GRIN3A: variants seen among roughly 807,000 people sequenced by gnomAD.
GRIN3A encodes the protein glutamate receptor ionotropic, NMDA 3A.
Under a neutral mutation model 92.4 loss-of-function variants are expected in GRIN3A, and 47 were observed. That is an observed-to-expected ratio of 0.51 (90% CI 0.40 to 0.65). GRIN3A has a LOEUF of 0.65. Among genes scored for constraint, GRIN3A ranks in the 30% least tolerant of loss-of-function variants. The pLI, the probability that GRIN3A is intolerant of heterozygous loss-of-function variation, is 0.00. For synonymous variants in GRIN3A, 527 were observed against 540.6 expected (o/e 0.97, Z 0.35); for missense variants, 1,324 against 1,393.1 (o/e 0.95, Z 0.79).
intron 3 of GRIN3A, among the ~76,000 whole-genome samples, chr9:101,638,068 T>C (rs1016279227): frequency 9.9e-5 from 15 of 152,230 alleles, no homozygotes; most frequent in African/African-American, 3.6e-4. Flanking sequence ...TTTTCTTTTC[T>C]AAGGAATAAT....
intron 3 of GRIN3A, among the ~76,000 whole-genome samples, chr9:101,663,063 AATGTC>A (rs5899453): frequency 0.071 from 10,789 of 151,730 alleles, 500 homozygotes; most frequent in East Asian, 0.22. Context: ...CTGGCTTTCC[AATGTC>A]ATAGTTGATG....
At chr9:101,721,862 G>A (rs1267742461) in intron 1 of GRIN3A, among the ~76,000 whole-genome samples, 2 of 152,158 alleles carry the variant, frequency 1.3e-5, no homozygotes, top group African/African-American at 4.8e-5. Flanking sequence ...CATTTTAAAA[G>A]GGAAACAGAA....
rs28459443 is a variant in GRIN3A, at chr9:101,616,970, G to T, written c.2615-3443C>A. 8.8e-3 allele frequency among the ~76,000 whole-genome samples: 1,338 copies of T among 151,314 alleles called. 24 individuals carry two copies. The highest frequency in any genetic ancestry group is 0.031 in the African/African-American group (1,284 of 41,122). ...AATCTCGGCACTTTGGGAGGCCAAG[G>T]TGGCCGGATCACGAGATCAGGAGAT... On this transcript the variant is annotated intron_variant, in intron 5 of 8. Coordinates refer to ENST00000361820, the MANE Select transcript of GRIN3A (RefSeq NM_133445.3).
At chr9:101,680,430 T>C (rs1448680554) in intron 2 of GRIN3A, among the ~76,000 whole-genome samples, 4 of 152,210 alleles carry the variant, frequency 2.6e-5, no homozygotes, top group Non-Finnish European at 5.9e-5. Flanking sequence ...CATTTATTAT[T>C]AATAAAAGGC....
At chr9:101,720,041 C>G (rs1015142467) in intron 1 of GRIN3A, among the ~76,000 whole-genome samples, 1 of 152,018 alleles carries the variant, frequency 6.6e-6, no homozygotes, top group Non-Finnish European at 1.5e-5. Flanking sequence ...TTTTTAAGTC[C>G]CCGTTTGGGA....
At chr9:101,681,029 G>T (rs569694010) in intron 2 of GRIN3A, among the ~76,000 whole-genome samples, 24 of 152,262 alleles carry the variant, frequency 1.6e-4, no homozygotes, top group Admixed American at 1.2e-3. Flanking sequence ...TTAAAGAAAA[G>T]ATAAGTGTTG....
At chr9:101,646,176 G>GT (rs1220145014) in intron 3 of GRIN3A, among the ~76,000 whole-genome samples, 10 of 151,686 alleles carry the variant, frequency 6.6e-5, no homozygotes, top group Admixed American at 2.6e-4. Context: ...ATTTCCCAAT[G>GT]TTTTTTTCTA....
chr9:101,737,187 C>T lies in GRIN3A; in HGVS notation c.699+94G>A, dbSNP rs1830218674. ...TCAAAGTTATAAAGTAACAACTCCCCTCAGACTTTACCAAGCCGTTTTCTC... is the reference window on the plus strand; with the variant it reads ...TCAAAGTTATAAAGTAACAACTCCCTTCAGACTTTACCAAGCCGTTTTCTC... On this transcript the variant is annotated intron_variant, in intron 1 of 8. Coordinates refer to ENST00000361820, the MANE Select transcript of GRIN3A (RefSeq NM_133445.3). The T allele has an allele frequency of 3.9e-6, 4 of 1,022,434 alleles. No homozygotes were observed. The South Asian group carries it at 5.2e-5, about 13-fold the overall frequency. The allele number at this position is 1,022,434 out of a possible 1,614,324, so 63.3% of individuals were successfully genotyped here.
chr9:101,683,933 A>G (rs920082433), intron 2 of GRIN3A, among the ~76,000 whole-genome samples: 1 of 152,124 alleles, frequency 6.6e-6, no homozygotes, highest in South Asian at 2.1e-4. Flanking sequence ...GTAAATTTAA[A>G]AAGTACTTAA....
At chr9:101,691,431 AGGG>A (rs942273468) in intron 1 of GRIN3A, among the ~76,000 whole-genome samples, 7 of 152,204 alleles carry the variant, frequency 4.6e-5, no homozygotes, top group South Asian at 2.1e-4. Flanking sequence ...TATGATTTGT[AGGG>A]GTTGGGAGAG....
chr9:101,602,936 G>T (rs948366587), intron 6 of GRIN3A: 2 of 152,140 alleles, frequency 1.3e-5, no homozygotes, highest in African/African-American at 4.8e-5. Context: ...TTGACTACAT[G>T]CAAAGACCAA....
chr9:101,627,320 A>G (rs1828646809), intron 4 of GRIN3A, among the ~76,000 whole-genome samples: 1 of 152,234 alleles, frequency 6.6e-6, no homozygotes, highest in Admixed American at 6.5e-5. Flanking sequence ...AAAAGTCCAT[A>G]AAATTTTTTA....
At chr9:101,723,244 C>T (rs980147034) in intron 1 of GRIN3A, among the ~76,000 whole-genome samples, 1 of 151,872 alleles carries the variant, frequency 6.6e-6, no homozygotes, top group Non-Finnish European at 1.5e-5. Context: ...TTCTGATGTT[C>T]GGATGTGTTA....
chr9:101,672,165 CCTTGAACAATTTA>C (rs67340874), intron 2 of GRIN3A, among the ~76,000 whole-genome samples: 50,721 of 151,798 alleles, frequency 0.33, 9,400 homozygotes, highest in Non-Finnish European at 0.41. Flanking sequence ...CTAACATGGC[CCTTGAACAATTTA>C]CTTGAACAAT....
At chr9:101,705,332 G>A (rs2119006372) in intron 1 of GRIN3A, among the ~76,000 whole-genome samples, 1 of 152,224 alleles carries the variant, frequency 6.6e-6, no homozygotes, top group East Asian at 1.9e-4. Flanking sequence ...GGAGGAAGAG[G>A]TGTCTGAACC....
chr9:101,578,948 C>A (rs1186695079), intron 7 of GRIN3A, among the ~76,000 whole-genome samples: 1 of 152,124 alleles, frequency 6.6e-6, no homozygotes, highest in African/African-American at 2.4e-5. Flanking sequence ...TAAAAAAGTT[C>A]TATTTCTTCT....
intron 1 of GRIN3A, among the ~76,000 whole-genome samples, chr9:101,717,849 A>G (rs1354358291): frequency 6.6e-6 from 1 of 152,170 alleles, no homozygotes; most frequent in Non-Finnish European, 1.5e-5. Context: ...ATTTAGGGAG[A>G]ATGAAGGAAG....
At chr9:101,689,489 A>G (rs1355499514) in intron 1 of GRIN3A, among the ~76,000 whole-genome samples, 2 of 152,212 alleles carry the variant, frequency 1.3e-5, no homozygotes, top group Non-Finnish European at 2.9e-5. Context: ...GAAGACCCCT[A>G]CAATGGATAA....
intron 6 of GRIN3A, among the ~76,000 whole-genome samples, chr9:101,582,902 C>G (rs1363712210): frequency 6.6e-6 from 1 of 152,158 alleles, no homozygotes; most frequent in African/African-American, 2.4e-5. Context: ...CTTAGTACCT[C>G]AATAACAAAT....
Sources: gnomAD v4.1 joint callset for allele counts (sites outside exome capture counted in the v4.1 genomes callset) on GRCh38, gnomAD v4.1.1 for gene constraint, MANE v1.5 for transcripts, NCBI Gene and HGNC (gene_info 2026-07-23, HGNC 2026-07-21) for gene names.